PREX2: variants seen among roughly 807,000 people sequenced by gnomAD.
PREX2 encodes phosphatidylinositol-3,4,5-trisphosphate dependent Rac exchange factor 2.
In PREX2, 107 loss-of-function variants were observed where a neutral mutation model predicts 203.2. The ratio of observed to expected loss-of-function variants is 0.53; its 90% CI spans 0.45 to 0.62. PREX2 has a LOEUF of 0.62. PREX2 is among the 20% of genes least tolerant of loss of function. The pLI, the probability that PREX2 is intolerant of heterozygous loss-of-function variation, is 0.00. For missense variants in PREX2, 1,777 were observed against 1,955.9 expected (o/e 0.91, Z 1.72); for synonymous variants, 672 against 663.6 (o/e 1.01, Z -0.19).
At chr8:68,186,585 C>T (rs1486902281) in intron 35 of PREX2, among the ~76,000 whole-genome samples, 1 of 152,130 alleles carries the variant, frequency 6.6e-6, no homozygotes, top group Admixed American at 6.5e-5. Context: ...GTGATCTCAG[C>T]TCACTGCAAC....
intron 1 of PREX2, among the ~76,000 whole-genome samples, chr8:67,965,326 C>G (rs1048602626): frequency 2.0e-5 from 3 of 152,118 alleles, no homozygotes; most frequent in African/African-American, 7.2e-5. Context: ...CCTCTGGGAT[C>G]ATTTTGGATC....
chr8:68,120,306 C>G lies in PREX2; in HGVS notation c.3595+20C>G. 1.3e-6 allele frequency: 2 copies of G among 1,560,172 alleles called. No homozygotes were observed. The highest frequency in any genetic ancestry group is 1.8e-6 in the Non-Finnish European group (2 of 1,131,124). ...TGCAAGGTAAGCCTTGAAAAATTAA[C>G]TAGTAGAAGCAATTGAGAAAAACAA... On this transcript the variant is annotated intron_variant, in intron 29 of 39. Coordinates refer to ENST00000288368, the MANE Select transcript of PREX2 (RefSeq NM_024870.4).
intron 1 of PREX2, among the ~76,000 whole-genome samples, chr8:67,969,673 A>C (rs1805869605): frequency 6.6e-6 from 1 of 152,184 alleles, no homozygotes; most frequent in African/African-American, 2.4e-5. Context: ...ATTTAGAAGA[A>C]TATTTACCAG....
chr8:68,005,295 C>T (rs1807061030), intron 1 of PREX2, among the ~76,000 whole-genome samples: 2 of 152,144 alleles, frequency 1.3e-5, no homozygotes, highest in African/African-American at 2.4e-5. Flanking sequence ...CTGACTGCTC[C>T]TCACCACCTT....
rs147475469 is a variant in PREX2, at chr8:68,192,410, G to A, written c.4489G>A (p.Ala1497Thr). The A allele has an allele frequency of 3.7e-4, 595 of 1,613,978 alleles. 8 individuals are homozygous for A. In the East Asian group the frequency reaches 0.012, roughly 33 times the overall value. ...GTTTATCAGATCCAAGCGCACAGCT[G>A]CCTGTGCAAACACAGCTTGCAGTGC... ...ASFIRSKRTA[A>T]CANTACSASG... Residue 1497 changes from alanine to threonine, a missense_variant, in exon 37 of 40, where the codon GCC (alanine) becomes ACC (threonine). Ala to Thr is a moderately conservative substitution (Grantham distance 58). Coordinates refer to ENST00000288368, the MANE Select transcript of PREX2 (RefSeq NM_024870.4).
intron 23 of PREX2, among the ~76,000 whole-genome samples, chr8:68,104,502 T>C (rs1357593218): frequency 1.3e-5 from 2 of 152,168 alleles, no homozygotes; most frequent in African/African-American, 4.8e-5. Flanking sequence ...ATTTCTAACT[T>C]TCCACTCCTT....
chr8:68,185,829 C>G (rs965067299), intron 35 of PREX2, among the ~76,000 whole-genome samples: 1 of 148,382 alleles, frequency 6.7e-6, no homozygotes, highest in Non-Finnish European at 1.5e-5. Flanking sequence ...GAAACATACT[C>G]TGCAGCCCAT....
chr8:67,958,039 A>G (rs1460610479), intron 1 of PREX2, among the ~76,000 whole-genome samples: 1 of 152,224 alleles, frequency 6.6e-6, no homozygotes, highest in African/African-American at 2.4e-5. Context: ...CTGCAAGCTA[A>G]GGAGGGAAGC....
chr8:68,002,459 G>T (rs1042569893), intron 1 of PREX2, among the ~76,000 whole-genome samples: 1 of 152,156 alleles, frequency 6.6e-6, no homozygotes, highest in African/African-American at 2.4e-5. Flanking sequence ...TCCCAAAGGC[G>T]TGAGCCACTG....
chr8:68,056,272 G>T (rs1808678781), intron 10 of PREX2, among the ~76,000 whole-genome samples: 1 of 152,128 alleles, frequency 6.6e-6, no homozygotes, highest in African/African-American at 2.4e-5. Context: ...AGGTAGGTTT[G>T]CCTGCAGGGG....
chr8:68,083,723 C>CTATAAGAAT (rs1563536164), intron 18 of PREX2, among the ~76,000 whole-genome samples: 2 of 152,066 alleles, frequency 1.3e-5, no homozygotes, highest in African/African-American at 4.8e-5. Flanking sequence ...CCATGTTCGG[C>CTATAAGAAT]TATAAGAATT....
intron 23 of PREX2, chr8:68,105,155 G>C (rs534388800): frequency 2.9e-6 from 4 of 1,367,790 alleles, no homozygotes; most frequent in African/African-American, 1.5e-5. Context: ...CTTCAGAAAG[G>C]TTTTACAATT....
chr8:68,124,259 C>T (rs1385984914), intron 30 of PREX2, among the ~76,000 whole-genome samples: 3 of 152,050 alleles, frequency 2.0e-5, no homozygotes, highest in Non-Finnish European at 2.9e-5. Context: ...CAGTGGTAGA[C>T]TGGATAAAGA....
chr8:68,047,383 A>C (rs1019873894), intron 8 of PREX2, among the ~76,000 whole-genome samples: 1 of 151,026 alleles, frequency 6.6e-6, no homozygotes, highest in African/African-American at 2.4e-5. Context: ...AGGGATAAAC[A>C]GATACTATCA....
chr8:68,003,001 A>G (rs1163855804), intron 1 of PREX2, among the ~76,000 whole-genome samples: 1 of 152,212 alleles, frequency 6.6e-6, no homozygotes, highest in Admixed American at 6.5e-5. Context: ...GCTTACTATA[A>G]TAATTACAGT....
At chr8:68,061,527 G>A (rs1177594900) in intron 11 of PREX2, among the ~76,000 whole-genome samples, 1 of 152,138 alleles carries the variant, frequency 6.6e-6, no homozygotes, top group Admixed American at 6.5e-5. Flanking sequence ...GTCTTCAGCA[G>A]GTCTGCCTCC....
At chr8:68,060,596 A>C in intron 10 of PREX2, 83 bp from the exon 11 acceptor site, 2 of 837,212 alleles carry the variant, frequency 2.4e-6, no homozygotes, top group South Asian at 3.3e-5. Context: ...TCCTTTCATC[A>C]TTGCTTCATG....
intron 1 of PREX2, among the ~76,000 whole-genome samples, chr8:67,963,266 G>C (rs968349375): frequency 1.4e-4 from 22 of 152,056 alleles, no homozygotes; most frequent in African/African-American, 5.3e-4. Context: ...CAGGTGATGG[G>C]GCAGCAATTT....
At chr8:67,968,086 A>T (rs973759346) in intron 1 of PREX2, among the ~76,000 whole-genome samples, 3 of 141,512 alleles carry the variant, frequency 2.1e-5, no homozygotes, top group African/African-American at 2.7e-5. Context: ...AAAAAAAAAG[A>T]GTACCTTGCA....
Sources: gnomAD v4.1 joint callset for allele counts (sites outside exome capture counted in the v4.1 genomes callset) on GRCh38, gnomAD v4.1.1 for gene constraint, MANE v1.5 for transcripts, NCBI Gene and HGNC (gene_info 2026-07-23, HGNC 2026-07-21) for gene names.